The following PISD variants were observed in gnomAD, a reference collection of about 807,000 sequenced individuals.
PISD encodes the protein phosphatidylserine decarboxylase.
PISD carries 31 observed loss-of-function variants against 43.5 expected under a neutral mutation model. The observed-to-expected ratio is 0.71, with a 90% CI of 0.54 to 0.96. PISD has a LOEUF of 0.96. PISD is among the 40% of genes least tolerant of loss of function. The pLI, the probability that PISD is intolerant of heterozygous loss-of-function variation, is 0.00. For synonymous variants in PISD, 259 were observed against 228.7 expected (o/e 1.13, Z -1.20); for missense variants, 523 against 548.4 (o/e 0.95, Z 0.46).
intron 2 of PISD, among the ~76,000 whole-genome samples, chr22:31,650,475 G>A (rs1429090691): frequency 1.3e-5 from 2 of 150,576 alleles, no homozygotes; most frequent in Non-Finnish European, 2.9e-5. Context: ...GGTTTAGTAA[G>A]CCGAGATTGC....
chr22:31,622,216 T>C (rs1282520594), intron 3 of PISD, among the ~76,000 whole-genome samples: 1 of 152,232 alleles, frequency 6.6e-6, no homozygotes, highest in African/African-American at 2.4e-5. Flanking sequence ...GATCTGATCC[T>C]AACCACAGTG....
chr22:31,622,944 G>A (rs764038382), intron 3 of PISD, among the ~76,000 whole-genome samples: 1 of 152,222 alleles, frequency 6.6e-6, no homozygotes, highest in African/African-American at 2.4e-5. Flanking sequence ...CCAAGGTAAG[G>A]TAAGCTCCCA....
Position 31,621,817 on chromosome 22 carries a change from C to T in PISD, c.390G>A (p.Glu130=), listed in dbSNP as rs772922864. Residue 130 remains glutamate (E), a synonymous_variant, in exon 4 of 8, where the codon GAG becomes GAA. Coordinates refer to ENST00000439502, the MANE Select transcript of PISD (RefSeq NM_001326411.2). ...SRAWGRLNQV[E]LPHWLRRPVY... is the part of the protein sequence containing the mutation. The stretch of plus-strand genomic sequence containing the variant: ...CGGGCCTGCGCAGCCAGTGTGGCAG[C>T]TCCACCTGATTGAGGCGACCCCAGG... 6.2e-7 allele frequency: 1 copy of T among 1,613,436 alleles called. No individual in the cohort carries two copies. Among genetic ancestry groups the T allele is most frequent in the African/African-American group, 1.3e-5 (1 of 74,940 alleles).
rs372123466 is a variant in PISD at position 31,625,722 on chromosome 22, C to T, written c.322-3837G>A. On this transcript the variant is annotated intron_variant, in intron 3 of 7. Transcript: ENST00000439502. The stretch of plus-strand genomic sequence containing the variant: ...AACTCTGACCTTCCGGAGGTCGTGG[C>T]GGGGAACCGTGGGGTTAGGGCGCGG... 218 of 1,562,744 alleles carry T rather than the reference C, an allele frequency of 1.4e-4. 6 individuals are homozygous for T. The South Asian group carries it at 2.3e-3, about 16-fold the overall frequency.
At chr22:31,634,933 G>A (rs2073372966) in intron 3 of PISD, among the ~76,000 whole-genome samples, 1 of 150,814 alleles carries the variant, frequency 6.6e-6, no homozygotes, top group Non-Finnish European at 1.5e-5. Context: ...TTGGGAGGCT[G>A]AGGTGGGCGG....
chr22:31,645,538 CTT>C (rs1198668208), intron 3 of PISD, among the ~76,000 whole-genome samples: 9 of 138,878 alleles, frequency 6.5e-5, no homozygotes, highest in Admixed American at 1.4e-4. Context: ...AACCCTGTCT[CTT>C]TTTTTTTTTT....
intron 3 of PISD, among the ~76,000 whole-genome samples, chr22:31,625,382 T>A (rs1242689365): frequency 6.6e-6 from 1 of 152,138 alleles, no homozygotes; most frequent in African/African-American, 2.4e-5. Flanking sequence ...AGGGACCAAC[T>A]GGGAAGAGCT....
chr22:31,638,537 CAA>C, intron 3 of PISD: 1 of 985,534 alleles, frequency 1.0e-6, no homozygotes, highest in Non-Finnish European at 1.2e-6. Flanking sequence ...ACAGCTGCCC[CAA>C]GAGAGGCAAA....
chr22:31,624,712 GACACACAC>G (rs55946723), intron 3 of PISD, among the ~76,000 whole-genome samples: 5,191 of 111,934 alleles, frequency 0.046, 190 homozygotes, highest in African/African-American at 0.12. Context: ...AGCAAAGGTG[GACACACAC>G]ACACACACAC....
chr22:31,621,731 A>G lies in PISD; in HGVS notation c.476T>C (p.Leu159Pro), dbSNP rs374309837. Reference protein sequence around the residue: ...VNMKEAAVEDLHHYRNLSEFF... With the variant: ...VNMKEAAVEDPHHYRNLSEFF... ...CTCGCTGAGGTTGCGGTAGTGATGC[A>G]GGTCCTCCACAGCGGCCTCTTTCAT... The change falls in exon 4 of 8, where the codon CTG becomes CCG. Residue 159 changes from leucine (L) to proline (P), a missense_variant. Leu to Pro is a moderately conservative substitution (Grantham distance 98). Coordinates refer to ENST00000439502, the MANE Select transcript of PISD (RefSeq NM_001326411.2). 4.6e-5 allele frequency: 74 copies of G among 1,614,024 alleles called. No homozygotes were observed. Among genetic ancestry groups the G allele is most frequent in the Non-Finnish European group, 6.2e-5 (73 of 1,180,048 alleles).
Position 31,618,903 on chromosome 22 carries a change from G to A in PISD, c.*709C>T, listed in dbSNP as rs2072299308. 6.1e-6 allele frequency: 1 copy of A among 162,816 alleles called. No individual in the cohort carries two copies. Among genetic ancestry groups the A allele is most frequent in the Non-Finnish European group, 1.3e-5 (1 of 74,300 alleles). The allele number at this position is 162,816 out of a possible 1,614,324, so 10.1% of individuals were successfully genotyped here. A position where few individuals can be genotyped will look rare whatever the true frequency, so the allele number is the denominator to read the frequency against. ...TGTTCACTCTGGTGCCATGAGGCAGGTTCAGTGATTGATTGGTCTTGCCTG... is the reference window on the plus strand; with the variant it reads ...TGTTCACTCTGGTGCCATGAGGCAGATTCAGTGATTGATTGGTCTTGCCTG... On this transcript the variant is annotated 3_prime_UTR_variant, in exon 8 of 8. Coordinates refer to ENST00000439502, the MANE Select transcript of PISD (RefSeq NM_001326411.2).
At position 31,626,608 on chromosome 22, in the gene PISD, T is replaced by A. The variant is rs571623624; in HGVS notation, c.322-4723A>T. Among the ~76,000 whole-genome samples the A allele has an allele frequency of 1.4e-3, 220 of 152,282 alleles. 1 individual carries two copies. Among genetic ancestry groups the A allele is most frequent in the African/African-American group, 5.2e-3 (215 of 41,546 alleles). Reference sequence around the variant, plus strand: ...GCTGTGCATGTGGGGAAAACCAGCCTGGGGCTGGGAACAGGCCAGGACTGC... The same window carrying A: ...GCTGTGCATGTGGGGAAAACCAGCCAGGGGCTGGGAACAGGCCAGGACTGC... On this transcript the variant is annotated intron_variant, in intron 3 of 7. Coordinates refer to ENST00000439502, the MANE Select transcript of PISD (RefSeq NM_001326411.2).
In PISD at chr22:31,619,488, T is replaced by A. The variant is rs1466821457; in HGVS notation, c.*124A>T. ...GTAGCCGAATCATTCAAGTCCTACCTGGTCAGACTCCCAACCACGCTGAGG... is the reference window on the plus strand; with the variant it reads ...GTAGCCGAATCATTCAAGTCCTACCAGGTCAGACTCCCAACCACGCTGAGG... On this transcript the variant is annotated 3_prime_UTR_variant, in exon 8 of 8. Transcript: ENST00000439502. 13 of 743,902 alleles carry A rather than the reference T, an allele frequency of 1.7e-5. No homozygotes were observed. In the Admixed American group the frequency reaches 2.6e-4, roughly 15 times the overall value. The allele number at this position is 743,902 out of a possible 1,614,324, so 46.1% of individuals were successfully genotyped here.
intron 1 of PISD, among the ~76,000 whole-genome samples, chr22:31,655,054 T>C (rs1171395792): frequency 8.7e-6 from 1 of 114,492 alleles, no homozygotes. Flanking sequence ...CCAGCCTGGG[T>C]AACAGAGCAA....
Position 31,621,819 on chromosome 22 carries a change from C to T in PISD, c.388G>A (p.Glu130Lys). ...SRAWGRLNQV[E>K]LPHWLRRPVY... ...GGCCTGCGCAGCCAGTGTGGCAGCT[C>T]CACCTGATTGAGGCGACCCCAGGCC... Residue 130 changes from glutamate to lysine, a missense_variant, in exon 4 of 8, where the codon GAG becomes AAG. Physicochemically the swap from Glu to Lys is moderately conservative, Grantham distance 56. Coordinates refer to ENST00000439502, the MANE Select transcript of PISD (RefSeq NM_001326411.2). 6.2e-7 allele frequency: 1 copy of T among 1,613,486 alleles called. No homozygotes were observed. The highest frequency in any genetic ancestry group is 8.5e-7 in the Non-Finnish European group (1 of 1,180,044).
Position 31,619,558 on chromosome 22 carries a change from A to AC in PISD, c.*53dup. 2.0e-6 allele frequency: 3 copies of AC among 1,474,522 alleles called. No homozygotes were observed. The highest frequency in any genetic ancestry group is 1.7e-4 in the Middle Eastern group (1 of 5,826). The allele number at this position is 1,474,522 out of a possible 1,614,324, so 91.3% of individuals were successfully genotyped here. A position where few individuals can be genotyped will look rare whatever the true frequency, so the allele number is the denominator to read the frequency against. On this transcript the variant is annotated 3_prime_UTR_variant, in exon 8 of 8. Coordinates refer to ENST00000439502, the MANE Select transcript of PISD (RefSeq NM_001326411.2). The stretch of plus-strand genomic sequence containing the variant: ...CCTCATGGGCCTCCCTCTTGAAAAG[A>AC]CCCTCACTCTGTTTGGAAAAGATCC...
chr22:31,655,076 CAA>C (rs1038608958), intron 1 of PISD, among the ~76,000 whole-genome samples: 12 of 57,110 alleles, frequency 2.1e-4, no homozygotes, highest in East Asian at 5.0e-4. Context: ...ACTCTATCTC[CAA>C]AAAAAAAAAA....
chr22:31,662,040 A>C, intron 1 of PISD, 104 bp downstream of exon 1: 1 of 1,037,466 alleles, frequency 9.6e-7, no homozygotes, highest in Middle Eastern at 2.0e-4. Flanking sequence ...TCTCCACCCG[A>C]GCTCGCCTCA....
intron 1 of PISD, among the ~76,000 whole-genome samples, chr22:31,651,748 C>CA (rs558999529): frequency 1.2e-4 from 18 of 149,394 alleles, no homozygotes; most frequent in Admixed American, 7.3e-4. Context: ...AACTCCGTCT[C>CA]AAAAAAAAAG....
Sources: gnomAD v4.1 joint callset for allele counts (sites outside exome capture counted in the v4.1 genomes callset) on GRCh38, gnomAD v4.1.1 for gene constraint, MANE v1.5 for transcripts, NCBI Gene and HGNC (gene_info 2026-07-23, HGNC 2026-07-21) for gene names.